The following GRK1 variants were observed in gnomAD, a reference collection of about 807,000 sequenced individuals.
GRK1 encodes the protein rhodopsin kinase GRK1.
In GRK1, 28 loss-of-function variants were observed where a neutral mutation model predicts 41.7. That is an observed-to-expected ratio of 0.67 (90% CI 0.50 to 0.92). GRK1 has a LOEUF of 0.92. GRK1 is among the 40% of genes least tolerant of loss of function. The pLI, the probability that GRK1 is intolerant of heterozygous loss-of-function variation, is 0.00. For missense variants in GRK1, 703 were observed against 671.2 expected, an observed-to-expected ratio of 1.05 and a Z score of -0.52; for synonymous variants, 327 against 286.7, an observed-to-expected ratio of 1.14 and a Z score of -1.42.
At chr13:113,669,223 C>T (rs889994976) in intron 1 of GRK1, among the ~76,000 whole-genome samples, 1 of 152,234 alleles carries the variant, frequency 6.6e-6, no homozygotes, top group Non-Finnish European at 1.5e-5. Context: ...CTTATCCAGA[C>T]ACTTACAAAC....
chr13:113,726,775 C>T (rs2049891492), intron 4 of GRK1, among the ~76,000 whole-genome samples: 1 of 152,174 alleles, frequency 6.6e-6, no homozygotes, highest in Admixed American at 6.5e-5. Context: ...AGGCTGTGAT[C>T]GTGTGAGCAG....
At chr13:113,728,362 TGAG>T (rs1405577600) in intron 4 of GRK1, among the ~76,000 whole-genome samples, 1 of 125,076 alleles carries the variant, frequency 8.0e-6, no homozygotes, top group Non-Finnish European at 1.6e-5. Context: ...CCCATGGCGA[TGAG>T]GAGTACCCAT....
chr13:113,731,437 C>T lies in GRK1; in HGVS notation c.1194+94C>T. ...TGATGGGATCGTTACTGGGGCAGAC[C>T]TGGGAGTTGTTCTGTGGGCCCTGGG... On this transcript the variant is annotated intron_variant, in intron 5 of 6. Coordinates refer to ENST00000335678, the MANE Select transcript of GRK1 (RefSeq NM_002929.3). The surrounding 1 kb of genome is among the most constrained non-coding windows in gnomAD (Gnocchi z 5.6). The T allele has an allele frequency of 6.7e-7, 1 of 1,491,054 alleles. No homozygotes were observed. The highest frequency in any genetic ancestry group is 1.4e-5 in the African/African-American group (1 of 72,032). The allele number at this position is 1,491,054 out of a possible 1,614,324, so 92.4% of individuals were successfully genotyped here. A position where few individuals can be genotyped will look rare whatever the true frequency, so the allele number is the denominator to read the frequency against.
chr13:113,655,395 G>A, the GRK1 span, among the ~76,000 whole-genome samples: 1 of 152,176 alleles, frequency 6.6e-6, no homozygotes, highest in Non-Finnish European at 1.5e-5. Flanking sequence ...GTGCATGGCC[G>A]GTCCTGCTTC....
At chr13:113,668,341 C>T (rs1215061640) in intron 1 of GRK1, among the ~76,000 whole-genome samples, 8 of 152,204 alleles carry the variant, frequency 5.3e-5, no homozygotes, top group South Asian at 4.1e-4. Context: ...GTTCACTCGT[C>T]GGTTTTTCAC....
the GRK1 span, among the ~76,000 whole-genome samples, chr13:113,651,351 A>G: frequency 6.6e-6 from 1 of 152,270 alleles, no homozygotes; most frequent in South Asian, 2.1e-4. Flanking sequence ...GTAAAGAAGC[A>G]CATAAAAAGG....
In GRK1 at chr13:113,671,707, C is replaced by T. The variant is rs1285665145; in HGVS notation, c.985+51C>T. On this transcript the variant is annotated intron_variant, in intron 3 of 6. Transcript: ENST00000335678. This position sits in a 1 kb window ranked among gnomAD's most constrained non-coding sequence, Gnocchi z 4.1. The stretch of plus-strand genomic sequence containing the variant: ...GATGAGGGCTACGAGGAGGGCGGGG[C>T]GCAGCTTCCTTGGGGGTCTCTGCAC... The T allele has an allele frequency of 8.5e-6, 6 of 704,934 alleles. No homozygotes were observed. In the East Asian group the frequency reaches 1.1e-4, roughly 13 times the overall value. The allele number at this position is 704,934 out of a possible 1,614,324, so 43.7% of individuals were successfully genotyped here.
chr13:113,733,508 C>T (rs1566699262), intron 6 of GRK1, among the ~76,000 whole-genome samples: 1 of 126,306 alleles, frequency 7.9e-6, no homozygotes, highest in African/African-American at 3.7e-5. Flanking sequence ...TATGTGTGTG[C>T]ACGTGTGTGT....
At position 113,736,978 on chromosome 13, in the gene GRK1, G is replaced by C. The variant is rs1333646937; in HGVS notation, c.*1615G>C. 1.3e-5 allele frequency: 2 copies of C among 152,418 alleles called. No homozygotes were observed. The highest frequency in any genetic ancestry group is 1.3e-4 in the Admixed American group (2 of 15,288). The allele number at this position is 152,418 out of a possible 1,614,324, so 9.4% of individuals were successfully genotyped here. On this transcript the variant is annotated 3_prime_UTR_variant, in exon 7 of 7. Coordinates refer to ENST00000335678, the MANE Select transcript of GRK1 (RefSeq NM_002929.3). ...GATCCTCCGTAGCCTGGACTGGTGG[G>C]TCTCGGCCTCTCTCCCAGAAATGGC...
chr13:113,659,146 G>A, the GRK1 span, among the ~76,000 whole-genome samples: 14 of 152,230 alleles, frequency 9.2e-5, no homozygotes, highest in Admixed American at 4.6e-4. Flanking sequence ...GCACCAGGAC[G>A]TGGAGGGCTC....
chr13:113,725,192 C>T (rs1430893627), intron 4 of GRK1, among the ~76,000 whole-genome samples: 2 of 152,252 alleles, frequency 1.3e-5, no homozygotes, highest in Non-Finnish European at 2.9e-5. Context: ...GCGCCCCCCA[C>T]GCAGCGAGAG....
chr13:113,725,123 C>G (rs1270863558), intron 4 of GRK1, among the ~76,000 whole-genome samples: 2 of 152,252 alleles, frequency 1.3e-5, no homozygotes, highest in Non-Finnish European at 2.9e-5. Flanking sequence ...AGGCCGGTGT[C>G]AGTTCAGCAA....
At chr13:113,662,488 CA>C (rs1317728098), upstream of GRK1, among the ~76,000 whole-genome samples, 1 of 152,116 alleles carries the variant, frequency 6.6e-6, no homozygotes, top group Non-Finnish European at 1.5e-5. Flanking sequence ...GCATGAATAT[CA>C]GAAAGGAAGA....
chr13:113,733,567 ATGTG>A (rs754361348), intron 6 of GRK1, among the ~76,000 whole-genome samples: 5 of 127,114 alleles, frequency 3.9e-5, no homozygotes, highest in South Asian at 2.6e-4. Flanking sequence ...GTGTCCATGT[ATGTG>A]TATGTGTGTG....
At position 113,731,402 on chromosome 13, in the gene GRK1, G is replaced by GAC; in HGVS notation, c.1194+60_1194+61dup. On this transcript the variant is annotated intron_variant, in intron 5 of 6. Transcript: ENST00000335678. The surrounding 1 kb of genome is among the most constrained non-coding windows in gnomAD (Gnocchi z 5.6). ...CCTTGGCGCCCTGGCTCTCGATGGG[G>GAC]ACGGGGCAGTGATGGGATCGTTACT... 1 of 1,533,154 alleles carries GAC rather than the reference G, an allele frequency of 6.5e-7. No homozygotes were observed. Among genetic ancestry groups the GAC allele is most frequent in the Non-Finnish European group, 8.7e-7 (1 of 1,144,754 alleles). 95.0% of individuals were successfully genotyped at this position (1,533,154 alleles called of 1,614,324 possible). A position where few individuals can be genotyped will look rare whatever the true frequency, so the allele number is the denominator to read the frequency against.
In GRK1 at chr13:113,731,199, G is replaced by A. The variant is rs572749031; in HGVS notation, c.1070-20G>A. Reference sequence around the variant, plus strand: ...CATGGAGGTGACCACCTCTGAACCCGCAATGTCCCTTGCTGGCAGGTTTCA... The same window carrying A: ...CATGGAGGTGACCACCTCTGAACCCACAATGTCCCTTGCTGGCAGGTTTCA... On this transcript the variant is annotated intron_variant, in intron 4 of 6. Coordinates refer to ENST00000335678, the MANE Select transcript of GRK1 (RefSeq NM_002929.3). This position sits in a 1 kb window ranked among gnomAD's most constrained non-coding sequence, Gnocchi z 5.6. 55 of 1,536,164 alleles carry A rather than the reference G, an allele frequency of 3.6e-5. No individual in the cohort carries two copies. The African/African-American group carries it at 4.1e-4, about 11-fold the overall frequency.
chr13:113,652,765 G>T, the GRK1 span: 7 of 1,329,066 alleles, frequency 5.3e-6, no homozygotes, highest in South Asian at 7.5e-5. Flanking sequence ...TCCCTGTCCC[G>T]CTTGGGCAAG....
chr13:113,653,460 G>A, the GRK1 span: 28 of 1,595,428 alleles, frequency 1.8e-5, no homozygotes, highest in Non-Finnish European at 2.1e-5. Context: ...TTTGTGCTTA[G>A]CGTCTCCAAA....
chr13:113,667,555 G>A lies in GRK1; in HGVS notation c.169G>A (p.Glu57Lys). ...GTCCCTCCGCGACAGCCTCAGCCTG[G>A]AGTTTGAGAGTGTGTGCTTGGAGCA... is the stretch of plus-strand genomic sequence containing the variant. ...CESLRDSLSL[E>K]FESVCLEQPI... The change falls in exon 1 of 7, where the codon GAG (glutamate) becomes AAG (lysine). Residue 57 changes from glutamate to lysine, a missense_variant. By Grantham distance (56) the Glu-to-Lys change is moderately conservative (BLOSUM62 1). Coordinates refer to ENST00000335678, the MANE Select transcript of GRK1 (RefSeq NM_002929.3). This position sits in a 1 kb window ranked among gnomAD's most constrained non-coding sequence, Gnocchi z 7.5. 1 of 1,613,618 alleles carries A rather than the reference G, an allele frequency of 6.2e-7. No homozygotes were observed. The highest frequency in any genetic ancestry group is 8.5e-7 in the Non-Finnish European group (1 of 1,179,898).
Sources: gnomAD v4.1 joint callset for allele counts (sites outside exome capture counted in the v4.1 genomes callset) on GRCh38, gnomAD v4.1.1 for gene constraint, Gnocchi (gnomAD v3.1) non-coding constraint, MANE v1.5 for transcripts, NCBI Gene and HGNC (gene_info 2026-07-23, HGNC 2026-07-21) for gene names.